The following NPIPB8 variants were observed in gnomAD, a reference collection of about 807,000 sequenced individuals.
The protein encoded by NPIPB8 is nuclear pore complex-interacting protein family member B8.
In NPIPB8, 3 loss-of-function variants were observed where a neutral mutation model predicts 5.3. The observed-to-expected ratio is 0.57, with a 90% confidence interval of 0.26 to 1.47. The LOEUF (loss-of-function observed/expected upper bound fraction) is 1.47, where lower values mean the gene tolerates loss of function less well. NPIPB8 is among the 40% of genes most tolerant of loss of function. NPIPB8 has a pLI of 0.13. For synonymous variants in NPIPB8, 18 were observed against 23.0 expected (o/e 0.78, Z 0.62); for missense variants, 50 against 50.2 (o/e 1.00, Z 0.01).
intron 2 of NPIPB8, among the ~76,000 whole-genome samples, chr16:28,642,707 C>G (rs1318490358): frequency 2.6e-5 from 4 of 151,300 alleles, no homozygotes; most frequent in African/African-American, 9.7e-5. Context: ...TGGTCTGGAA[C>G]TCCTGACCTT....
Position 28,638,179 on chromosome 16 carries a change from G to A in NPIPB8, c.-39+29G>A, listed in dbSNP as rs935415283. ...AAAAGGGGTAAAGTAATTTTGCATGGCATGAAGTAGAAATTCAAAGTACAG... is the reference window on the plus strand; with the variant it reads ...AAAAGGGGTAAAGTAATTTTGCATGACATGAAGTAGAAATTCAAAGTACAG... On this transcript the variant is annotated intron_variant, in intron 1 of 7. Transcript: ENST00000683297. 8.8e-6 allele frequency: 7 copies of A among 798,740 alleles called. No individual in the cohort carries two copies. The African/African-American group carries it at 1.1e-4, about 12-fold the overall frequency. The allele number at this position is 798,740 out of a possible 1,614,324, so 49.5% of individuals were successfully genotyped here. A position where few individuals can be genotyped will look rare whatever the true frequency, so the allele number is the denominator to read the frequency against.
chr16:28,641,978 A>C (rs990284448), intron 2 of NPIPB8, among the ~76,000 whole-genome samples: 4 of 147,336 alleles, frequency 2.7e-5, no homozygotes, highest in African/African-American at 1.0e-4. Flanking sequence ...GGCTATGATC[A>C]CGGTGACTCT....
chr16:28,641,461 A>C (rs372558437), intron 2 of NPIPB8, among the ~76,000 whole-genome samples: 3,012 of 142,718 alleles, frequency 0.021, 151 homozygotes, highest in African/African-American at 0.072. Context: ...ATGGACCTGC[A>C]CCCTGGGGAC....
At chr16:28,642,016 T>A (rs1186358331) in intron 2 of NPIPB8, among the ~76,000 whole-genome samples, 1 of 150,840 alleles carries the variant, frequency 6.6e-6, no homozygotes, top group Non-Finnish European at 1.5e-5. Context: ...ATTATAGTAC[T>A]CTCTGCCATT....
At chr16:28,641,059 C>T (rs908190195) in intron 2 of NPIPB8, among the ~76,000 whole-genome samples, 7 of 151,926 alleles carry the variant, frequency 4.6e-5, no homozygotes, top group African/African-American at 1.7e-4. Context: ...CTGACAGTGC[C>T]CCTGTGTCGT....
intron 2 of NPIPB8, among the ~76,000 whole-genome samples, chr16:28,639,855 C>T (rs1248106678): frequency 6.7e-6 from 1 of 150,302 alleles, no homozygotes; most frequent in Admixed American, 6.6e-5. Flanking sequence ...TGAAAGAATA[C>T]ATATGCAAAT....
intron 2 of NPIPB8, among the ~76,000 whole-genome samples, chr16:28,642,247 A>T (rs1194232878): frequency 6.6e-6 from 1 of 151,560 alleles, no homozygotes; most frequent in Admixed American, 6.6e-5. Context: ...CTGGGATTAC[A>T]GGTGTGTGCC....
At chr16:28,652,889 A>G (rs1371702427) in intron 5 of NPIPB8, among the ~76,000 whole-genome samples, 3 of 127,058 alleles carry the variant, frequency 2.4e-5, no homozygotes, top group Admixed American at 7.9e-5. Context: ...GGTGTGAGCC[A>G]CCACACCCAG....
chr16:28,641,144 C>T (rs1282644013), intron 2 of NPIPB8, among the ~76,000 whole-genome samples: 1 of 151,892 alleles, frequency 6.6e-6, no homozygotes, highest in Non-Finnish European at 1.5e-5. Context: ...CCTCTTTGTT[C>T]CAATGGCCCT....
intron 2 of NPIPB8, among the ~76,000 whole-genome samples, chr16:28,642,503 G>C (rs1462698944): frequency 1.3e-5 from 2 of 149,974 alleles, no homozygotes; most frequent in Non-Finnish European, 3.0e-5. Context: ...TGCTGTTTTT[G>C]AGACAGAGTC....
chr16:28,653,211 T>G (rs1317133515), intron 5 of NPIPB8, among the ~76,000 whole-genome samples: 3 of 101,862 alleles, frequency 2.9e-5, no homozygotes, highest in African/African-American at 1.4e-4. Context: ...TAGCTGGGAC[T>G]ACAGGCATAT....
intron 2 of NPIPB8, among the ~76,000 whole-genome samples, chr16:28,642,345 C>A (rs914927303): frequency 3.9e-5 from 6 of 151,956 alleles, no homozygotes; most frequent in Non-Finnish European, 8.8e-5. Flanking sequence ...ACCTTGTGAT[C>A]CACCTACCTC....
chr16:28,639,999 C>G (rs1490226470), intron 2 of NPIPB8, among the ~76,000 whole-genome samples: 1 of 151,304 alleles, frequency 6.6e-6, no homozygotes, highest in Non-Finnish European at 1.5e-5. Context: ...GCTCTACATG[C>G]ACTTATATTT....
chr16:28,653,072 A>AT (rs573542449), intron 5 of NPIPB8, among the ~76,000 whole-genome samples: 889 of 72,570 alleles, frequency 0.012, 3 homozygotes, highest in East Asian at 0.045. Context: ...CATTCGGCCA[A>AT]TTTTTTTTTT....
chr16:28,652,913 T>C (rs895785360), intron 5 of NPIPB8, among the ~76,000 whole-genome samples: 2 of 133,974 alleles, frequency 1.5e-5, no homozygotes, highest in Non-Finnish European at 3.2e-5. Flanking sequence ...TTTTTTTTTT[T>C]TTTTTTTAAT....
intron 2 of NPIPB8, among the ~76,000 whole-genome samples, chr16:28,642,488 G>C (rs1375901300): frequency 2.7e-5 from 4 of 150,302 alleles, no homozygotes; most frequent in Admixed American, 2.7e-4. Context: ...TTTGTTTGTA[G>C]TTGTTGCTGT....
chr16:28,639,671 G>A (rs981114838), intron 2 of NPIPB8, among the ~76,000 whole-genome samples: 10 of 143,688 alleles, frequency 7.0e-5, no homozygotes, highest in African/African-American at 1.3e-4. Flanking sequence ...GGCCAGGCTC[G>A]TGTCAACTCC....
At chr16:28,639,922 G>A (rs1047808317) in intron 2 of NPIPB8, among the ~76,000 whole-genome samples, 12 of 150,244 alleles carry the variant, frequency 8.0e-5, no homozygotes, top group Non-Finnish European at 1.5e-4. Flanking sequence ...TTGACAATCA[G>A]TATGCATCAT....
intron 2 of NPIPB8, 99 bp downstream of exon 2, chr16:28,638,579 C>G (rs867677034): frequency 7.0e-7 from 1 of 1,420,242 alleles, no homozygotes; most frequent in Non-Finnish European, 9.5e-7. Context: ...GGGAAGCTTA[C>G]GCAGTCACAG....
Sources: gnomAD v4.1 joint callset for allele counts (sites outside exome capture counted in the v4.1 genomes callset) on GRCh38, gnomAD v4.1.1 for gene constraint, MANE v1.5 for transcripts, NCBI Gene and HGNC (gene_info 2026-07-23, HGNC 2026-07-21) for gene names.